The following ST8SIA6 variants were observed in gnomAD, a reference collection of about 807,000 sequenced individuals.
ST8SIA6 encodes ST8 alpha-N-acetyl-neuraminide alpha-2,8-sialyltransferase 6, also known as alpha-2,8-sialyltransferase 8F.
A neutral mutation model predicts 33.6 loss-of-function variants in ST8SIA6; 39 were observed. That is an observed-to-expected ratio of 1.16 (90% CI 0.90 to 1.52). The LOEUF is 1.52. Ranked by LOEUF, ST8SIA6 falls within the 40% of genes most tolerant of loss-of-function variation. The probability of loss-of-function intolerance (pLI) is 0.00; values close to 1 mark genes in which losing one functional copy is unlikely to be tolerated. For synonymous variants in ST8SIA6, 172 were observed against 167.2 expected (o/e 1.03, Z -0.22); for missense variants, 441 against 443.8 (o/e 0.99, Z 0.06).
In ST8SIA6 at chr10:17,317,250, AT is replaced by A. The variant is rs1177249777; in HGVS notation, c.*3627del. 6.6e-6 allele frequency among the ~76,000 whole-genome samples: 1 copy of A among 151,888 alleles called. No individual in the cohort carries two copies. Among genetic ancestry groups the A allele is most frequent in the Non-Finnish European group, 1.5e-5 (1 of 67,950 alleles). ...CGCATCTTTATCATATATCACCCACATTTTTTTTATAAAAAGAAGAATGCTT... is the reference window on the plus strand; with the variant it reads ...CGCATCTTTATCATATATCACCCACATTTTTTTATAAAAAGAAGAATGCTT... On this transcript the variant is annotated 3_prime_UTR_variant, in exon 8 of 8. Transcript: ENST00000377602.
chr10:17,329,268 C>G (rs755901198), intron 5 of ST8SIA6, among the ~76,000 whole-genome samples: 1 of 152,070 alleles, frequency 6.6e-6, no homozygotes, highest in African/African-American at 2.4e-5. Context: ...TTTACAGATG[C>G]GAAAATGGAG....
intron 4 of ST8SIA6, among the ~76,000 whole-genome samples, chr10:17,352,402 A>C (rs1222257360): frequency 1.3e-5 from 2 of 152,180 alleles, no homozygotes; most frequent in African/African-American, 4.8e-5. Flanking sequence ...TAGGAAGTCA[A>C]TTGAAATATA....
intron 2 of ST8SIA6, among the ~76,000 whole-genome samples, chr10:17,418,993 CAAAAAAAAAAAAAA>C (rs910044275): frequency 1.1e-4 from 6 of 56,138 alleles, no homozygotes; most frequent in Admixed American, 2.6e-4. Context: ...GGCTCCATCT[CAAAAAAAAAAAAAA>C]AAAAAAAAGA....
At chr10:17,349,113 G>A (rs1848949069) in intron 4 of ST8SIA6, among the ~76,000 whole-genome samples, 1 of 152,190 alleles carries the variant, frequency 6.6e-6, no homozygotes, top group Non-Finnish European at 1.5e-5. Context: ...AACCTAGAAA[G>A]TTGAAGTTTA....
chr10:17,364,398 A>C (rs1238167913), intron 3 of ST8SIA6, among the ~76,000 whole-genome samples: 1 of 152,140 alleles, frequency 6.6e-6, no homozygotes, highest in African/African-American at 2.4e-5. Context: ...CTTATAGCAG[A>C]CCCATCTATT....
intron 2 of ST8SIA6, among the ~76,000 whole-genome samples, chr10:17,392,860 G>T (rs1035824747): frequency 1.5e-4 from 23 of 152,306 alleles, no homozygotes; most frequent in African/African-American, 5.5e-4. Context: ...TGCTCCATGT[G>T]GTTTAGGGCT....
At chr10:17,420,218 C>A (rs1020185295) in intron 2 of ST8SIA6, among the ~76,000 whole-genome samples, 5 of 152,138 alleles carry the variant, frequency 3.3e-5, no homozygotes, top group Non-Finnish European at 7.3e-5. Context: ...TCGAGACCAT[C>A]CTGGCTACAC....
chr10:17,353,637 A>C (rs1230846105), intron 4 of ST8SIA6, among the ~76,000 whole-genome samples: 1 of 152,204 alleles, frequency 6.6e-6, no homozygotes, highest in Non-Finnish European at 1.5e-5. Flanking sequence ...ATAATACAAG[A>C]TTTAATAAAA....
intron 2 of ST8SIA6, among the ~76,000 whole-genome samples, chr10:17,405,423 A>T (rs897725446): frequency 5.9e-5 from 9 of 151,912 alleles, no homozygotes; most frequent in Admixed American, 2.0e-4. Flanking sequence ...TGTATGAAAT[A>T]CATGATTTTA....
intron 2 of ST8SIA6, among the ~76,000 whole-genome samples, chr10:17,430,705 C>T (rs2131721002): frequency 6.6e-6 from 1 of 152,242 alleles, no homozygotes; most frequent in Non-Finnish European, 1.5e-5. Flanking sequence ...ACTGTCTATT[C>T]ATGTCCTTTG....
rs1852090708 is a variant in ST8SIA6, at chr10:17,431,198, G to A, written c.200+22361C>T. Among the ~76,000 whole-genome samples the A allele has an allele frequency of 2.0e-5, 3 of 152,082 alleles. 1 individual carries two copies. In the South Asian group the frequency reaches 6.2e-4, roughly 32 times the overall value. ...GCCCCAAGGGCTGCCACCTTTGGCC[G>A]ACATGAGGATGAGAACTAGCCGCTG... On this transcript the variant is annotated intron_variant, in intron 2 of 7. Transcript: ENST00000377602.
intron 2 of ST8SIA6, among the ~76,000 whole-genome samples, chr10:17,430,279 ATCT>A (rs1354472308): frequency 6.6e-6 from 1 of 152,172 alleles, no homozygotes; most frequent in Non-Finnish European, 1.5e-5. Context: ...TATACACCAC[ATCT>A]TCTTTATCAA....
intron 2 of ST8SIA6, among the ~76,000 whole-genome samples, chr10:17,413,905 T>C (rs1851529808): frequency 6.6e-6 from 1 of 152,240 alleles, no homozygotes; most frequent in Admixed American, 6.5e-5. Flanking sequence ...TTTTTATCAC[T>C]AGTTTCATAT....
intron 3 of ST8SIA6, among the ~76,000 whole-genome samples, chr10:17,371,804 G>GAAAAAAAAAA (rs1849744540): frequency 8.2e-6 from 1 of 121,264 alleles, no homozygotes; most frequent in African/African-American, 3.2e-5. Flanking sequence ...AAAAAAAAAA[G>GAAAAAAAAAA]AAAGAAAGTA....
chr10:17,338,281 C>T, intron 4 of ST8SIA6, among the ~76,000 whole-genome samples: 1 of 152,196 alleles, frequency 6.6e-6, no homozygotes, highest in East Asian at 1.9e-4. Context: ...GATCCGCTCG[C>T]CTCGGCCTCC....
rs561145916 is a variant in ST8SIA6 at position 17,319,554 on chromosome 10, A to G, written c.*1324T>C. On this transcript the variant is annotated 3_prime_UTR_variant, in exon 8 of 8. Coordinates refer to ENST00000377602, the MANE Select transcript of ST8SIA6 (RefSeq NM_001004470.3). Reference sequence around the variant, plus strand: ...TTTTCTCCTAAGCTTTTACTGGAACATGGGTATCACTATGCTGTTTGATCT... The same window carrying G: ...TTTTCTCCTAAGCTTTTACTGGAACGTGGGTATCACTATGCTGTTTGATCT... 8.5e-5 allele frequency among the ~76,000 whole-genome samples: 13 copies of G among 152,286 alleles called. No homozygotes were observed. In the East Asian group the frequency reaches 2.3e-3, roughly 27 times the overall value.
intron 2 of ST8SIA6, among the ~76,000 whole-genome samples, chr10:17,441,528 C>T (rs1463091797): frequency 2.0e-5 from 3 of 151,992 alleles, no homozygotes; most frequent in Admixed American, 6.6e-5. Context: ...AGGCTGCTCG[C>T]GAACTCCTGA....
intron 4 of ST8SIA6, among the ~76,000 whole-genome samples, chr10:17,348,569 G>T (rs1293583930): frequency 6.6e-6 from 1 of 152,046 alleles, no homozygotes; most frequent in East Asian, 1.9e-4. Context: ...AGGCAGTTCA[G>T]TTCTGCTCAT....
At chr10:17,367,551 A>T (rs955935896) in intron 3 of ST8SIA6, among the ~76,000 whole-genome samples, 1 of 152,184 alleles carries the variant, frequency 6.6e-6, no homozygotes, top group Non-Finnish European at 1.5e-5. Context: ...TATCACCAGG[A>T]TAAAGAGAAT....
Sources: gnomAD v4.1 joint callset for allele counts (sites outside exome capture counted in the v4.1 genomes callset) on GRCh38, gnomAD v4.1.1 for gene constraint, MANE v1.5 for transcripts, NCBI Gene and HGNC (gene_info 2026-07-23, HGNC 2026-07-21) for gene names.